NMRK1: variants seen among roughly 807,000 people sequenced by gnomAD.
The protein encoded by NMRK1 is NRK 1.
NMRK1 carries 28 observed loss-of-function variants against 29.9 expected under a neutral mutation model. The observed-to-expected ratio is 0.94, with a 90% CI of 0.69 to 1.28. The LOEUF is 1.28. NMRK1 is among the 50% of genes most tolerant of loss of function. The pLI is 0.00. For missense variants in NMRK1, 218 were observed against 233.1 expected (o/e 0.94, Z 0.42); for synonymous variants, 58 against 73.0 (o/e 0.79, Z 1.05).
chr9:75,087,085 T>G (rs1209645413), intron 1 of NMRK1, among the ~76,000 whole-genome samples: 6 of 152,014 alleles, frequency 3.9e-5, no homozygotes, highest in Non-Finnish European at 4.4e-5. Context: ...TTTTGCAGTT[T>G]TAGTAGAGAT....
chr9:75,061,983 G>T (rs1823048643), intron 8 of NMRK1, among the ~76,000 whole-genome samples: 1 of 152,198 alleles, frequency 6.6e-6, no homozygotes, highest in Non-Finnish European at 1.5e-5. Flanking sequence ...ATTTGGCATA[G>T]AAATTCAATG....
intron 2 of NMRK1, among the ~76,000 whole-genome samples, chr9:75,080,743 C>T (rs1405904775): frequency 6.6e-6 from 1 of 152,146 alleles, no homozygotes; most frequent in South Asian, 2.1e-4. Context: ...GGTGCCATCC[C>T]CATGGTAATG....
intron 1 of NMRK1, among the ~76,000 whole-genome samples, chr9:75,086,023 G>C (rs1824607285): frequency 6.6e-6 from 1 of 151,564 alleles, no homozygotes; most frequent in Non-Finnish European, 1.5e-5. Context: ...CCAAGTTCAG[G>C]CCTGGCACTG....
chr9:75,078,704 C>A, intron 2 of NMRK1: 1 of 304,292 alleles, frequency 3.3e-6, no homozygotes, highest in Non-Finnish European at 5.3e-6. Flanking sequence ...GATATAAGTA[C>A]CTCTGACATT....
intron 8 of NMRK1, among the ~76,000 whole-genome samples, chr9:75,064,061 T>A (rs1417801703): frequency 1.3e-5 from 2 of 152,006 alleles, no homozygotes; most frequent in Non-Finnish European, 1.5e-5. Flanking sequence ...AGGAGGGGCG[T>A]CACAACACAG....
At chr9:75,073,390 G>A (rs1236761005) in intron 4 of NMRK1, among the ~76,000 whole-genome samples, 1 of 152,188 alleles carries the variant, frequency 6.6e-6, no homozygotes, top group Non-Finnish European at 1.5e-5. Flanking sequence ...AAGGCATTCT[G>A]TGGTACTTTG....
At chr9:75,066,683 A>G in intron 8 of NMRK1, 74 bp downstream of exon 8, 1 of 854,820 alleles carries the variant, frequency 1.2e-6, no homozygotes, top group Non-Finnish European at 2.0e-6. Context: ...CTGGTATTCC[A>G]TTCTTTCATA....
chr9:75,073,046 C>T (rs751341705), intron 4 of NMRK1, among the ~76,000 whole-genome samples: 35 of 152,132 alleles, frequency 2.3e-4, no homozygotes, highest in Non-Finnish European at 4.3e-4. Flanking sequence ...GCCCAGTTCT[C>T]CAGAATGTGA....
At chr9:75,085,416 G>T (rs1824559479) in intron 1 of NMRK1, among the ~76,000 whole-genome samples, 1 of 152,298 alleles carries the variant, frequency 6.6e-6, no homozygotes, top group East Asian at 1.9e-4. Context: ...CAAAGAAAGG[G>T]TGTTAGGTAT....
intron 4 of NMRK1, among the ~76,000 whole-genome samples, chr9:75,075,959 C>T (rs531377413): frequency 2.4e-4 from 37 of 152,264 alleles, no homozygotes; most frequent in African/African-American, 8.4e-4. Context: ...GAAAGGGGAA[C>T]CATCATATAC....
chr9:75,069,768 T>C lies in NMRK1; in HGVS notation c.363A>G (p.Pro121=), dbSNP rs764903350. ...IWNRSYFLTI[P]YEECKRRRST... ...TCCTCCTCCTTTTACATTCTTCATA[T>C]GGAATAGTCAGGAAATAGCTTCTAT... The change falls in exon 6 of 9, where the codon CCA becomes CCG. Residue 121 remains proline, a synonymous_variant. Coordinates refer to ENST00000361092, the MANE Select transcript of NMRK1 (RefSeq NM_017881.3). The C allele has an allele frequency of 2.0e-5, 33 of 1,612,268 alleles. No individual in the cohort carries two copies. Among genetic ancestry groups the C allele is most frequent in the East Asian group, 1.3e-4 (6 of 44,878 alleles).
At chr9:75,062,985 C>G (rs542029499) in intron 8 of NMRK1, among the ~76,000 whole-genome samples, 12 of 152,048 alleles carry the variant, frequency 7.9e-5, no homozygotes, top group Non-Finnish European at 1.6e-4. Context: ...GAGCTGAGAT[C>G]GTGCCACTGC....
At chr9:75,073,277 G>A (rs1419805534) in intron 4 of NMRK1, among the ~76,000 whole-genome samples, 1 of 152,162 alleles carries the variant, frequency 6.6e-6, no homozygotes, top group Non-Finnish European at 1.5e-5. Flanking sequence ...GAGGGGCACC[G>A]AAAAGAGTCT....
At chr9:75,071,120 A>G (rs889620903) in intron 4 of NMRK1, among the ~76,000 whole-genome samples, 1 of 151,888 alleles carries the variant, frequency 6.6e-6, no homozygotes, top group Non-Finnish European at 1.5e-5. Flanking sequence ...CTTTCTCCTG[A>G]GACTCCAATG....
At chr9:75,068,759 T>C (rs138942877) in intron 7 of NMRK1, among the ~76,000 whole-genome samples, 48 of 152,014 alleles carry the variant, frequency 3.2e-4, no homozygotes, top group African/African-American at 9.7e-4. Flanking sequence ...CCCCTCACCA[T>C]CTCCAGGGCA....
At chr9:75,076,779 G>A (rs1824013517) in intron 4 of NMRK1, among the ~76,000 whole-genome samples, 1 of 152,038 alleles carries the variant, frequency 6.6e-6, no homozygotes, top group Admixed American at 6.6e-5. Flanking sequence ...TTTGGGTAGA[G>A]ATGGAATCTC....
intron 4 of NMRK1, among the ~76,000 whole-genome samples, chr9:75,076,440 G>C (rs532865003): frequency 1.3e-5 from 2 of 152,112 alleles, no homozygotes; most frequent in East Asian, 1.9e-4. Flanking sequence ...AGGCAGGTGG[G>C]GGGGAATGAA....
chr9:75,066,729 C>T (rs1197340768), intron 8 of NMRK1, 28 bp downstream of exon 8: 1 of 1,243,416 alleles, frequency 8.0e-7, no homozygotes, highest in Admixed American at 1.7e-5. Context: ...TTCTCCTCTA[C>T]CATCCACTTT....
chr9:75,079,609 G>C (rs906701130), intron 2 of NMRK1, among the ~76,000 whole-genome samples: 1 of 152,112 alleles, frequency 6.6e-6, no homozygotes, highest in East Asian at 1.9e-4. Context: ...GATATGGAGA[G>C]GAGAGGGGAG....
Sources: gnomAD v4.1 joint callset for allele counts (sites outside exome capture counted in the v4.1 genomes callset) on GRCh38, gnomAD v4.1.1 for gene constraint, MANE v1.5 for transcripts, NCBI Gene and HGNC (gene_info 2026-07-23, HGNC 2026-07-21) for gene names.